The following OCA2 variants were observed in gnomAD, a reference collection of about 807,000 sequenced individuals.
OCA2 encodes the protein P protein.
Under a neutral mutation model 100.2 loss-of-function variants are expected in OCA2, and 77 were observed. The ratio of observed to expected loss-of-function variants is 0.77; its 90% CI spans 0.64 to 0.93. The LOEUF is 0.93. Among genes scored for constraint, OCA2 ranks in the 40% least tolerant of loss-of-function variants. The pLI, the probability that OCA2 is intolerant of heterozygous loss-of-function variation, is 0.00. For missense variants in OCA2, 1,062 were observed against 1,089.1 expected (o/e 0.98, Z 0.35); for synonymous variants, 432 against 439.2 (o/e 0.98, Z 0.21).
At chr15:28,001,870 G>C (rs1469681798) in intron 9 of OCA2, among the ~76,000 whole-genome samples, 2 of 152,234 alleles carry the variant, frequency 1.3e-5, no homozygotes, top group African/African-American at 2.4e-5. Context: ...GAGCCACAGA[G>C]GCACCTGGTT....
rs774722293 is a variant in OCA2, at chr15:27,989,611, A to G, written c.1172T>C (p.Leu391Pro). 1 of 1,614,112 alleles carries G rather than the reference A, an allele frequency of 6.2e-7. No individual in the cohort carries two copies. The highest frequency in any genetic ancestry group is 8.5e-7 in the Non-Finnish European group (1 of 1,179,980). ...EWIDFETLAL[L>P]FGMMILVAIF... is the part of the protein sequence containing the mutation. ...GAGAGCTGTAATTACCATGCCAAACAGCAGGGCCAGCGTCTCAAAATCAAT... is the reference window on the plus strand; with the variant it reads ...GAGAGCTGTAATTACCATGCCAAACGGCAGGGCCAGCGTCTCAAAATCAAT... Residue 391 changes from leucine (L) to proline (P), a missense_variant, in exon 11 of 24, where the codon CTG becomes CCG. Leu to Pro is a moderately conservative substitution (Grantham distance 98, BLOSUM62 -3). Transcript: ENST00000354638.
intron 19 of OCA2, among the ~76,000 whole-genome samples, chr15:27,883,607 T>C (rs2037110433): frequency 6.6e-6 from 1 of 152,020 alleles, no homozygotes; most frequent in Admixed American, 6.5e-5. Flanking sequence ...CACACAACTC[T>C]GGATAAGGAG....
At chr15:27,770,885 C>G (rs2031742217) in intron 23 of OCA2, among the ~76,000 whole-genome samples, 1 of 140,412 alleles carries the variant, frequency 7.1e-6, no homozygotes, top group African/African-American at 2.8e-5. Context: ...TTCCTTTGCT[C>G]CTTCCCATCT....
chr15:28,063,831 G>C (rs1461017318), intron 2 of OCA2, among the ~76,000 whole-genome samples: 1 of 152,142 alleles, frequency 6.6e-6, no homozygotes, highest in Non-Finnish European at 1.5e-5. Context: ...GAGTTGCATA[G>C]AAAAACATAC....
chr15:27,722,134 A>G, the OCA2 span, among the ~76,000 whole-genome samples: 1 of 152,236 alleles, frequency 6.6e-6, no homozygotes, highest in Non-Finnish European at 1.5e-5. Flanking sequence ...ACTGAAACTC[A>G]GTAGGGATGC....
At chr15:27,910,276 G>C (rs1360277775) in intron 19 of OCA2, among the ~76,000 whole-genome samples, 1 of 152,174 alleles carries the variant, frequency 6.6e-6, no homozygotes, top group Non-Finnish European at 1.5e-5. Context: ...CTCTTGCAGA[G>C]GGAAATCTGG....
chr15:27,926,195 C>T lies in OCA2; in HGVS notation c.2011G>A (p.Glu671Lys). ...LLILADIHDF[E>K]IILHRVEWAT... ...CATTCCACTCTGTGTAGAATTATCT[C>T]AAAATCATGAATATCAGCTAAAATT... Residue 671 changes from glutamate to lysine, a missense_variant, in exon 19 of 24, where the codon GAG (glutamate) becomes AAG (lysine). Coordinates refer to ENST00000354638, the MANE Select transcript of OCA2 (RefSeq NM_000275.3). 3 of 1,614,076 alleles carry T rather than the reference C, an allele frequency of 1.9e-6. No individual in the cohort carries two copies. The highest frequency in any genetic ancestry group is 2.5e-6 in the Non-Finnish European group (3 of 1,179,968).
intron 2 of OCA2, among the ~76,000 whole-genome samples, chr15:28,070,913 T>C (rs2044238812): frequency 6.9e-6 from 1 of 145,918 alleles, no homozygotes; most frequent in African/African-American, 2.6e-5. Context: ...CAGGGTTAAA[T>C]GGATTAAGGG....
intron 6 of OCA2, among the ~76,000 whole-genome samples, chr15:28,019,145 G>T (rs889954998): frequency 2.0e-5 from 3 of 152,068 alleles, no homozygotes; most frequent in Non-Finnish European, 4.4e-5. Context: ...CATGTCCTCT[G>T]AGAGCCCAGG....
At chr15:27,847,435 A>C (rs8037534) in intron 22 of OCA2, among the ~76,000 whole-genome samples, 75,482 of 151,900 alleles carry the variant, frequency 0.5, 19,990 homozygotes, top group African/African-American at 0.69. Flanking sequence ...TGACGAAGGC[A>C]AAGGCTATGG....
At chr15:27,912,341 G>T (rs544765062) in intron 19 of OCA2, among the ~76,000 whole-genome samples, 11 of 152,264 alleles carry the variant, frequency 7.2e-5, no homozygotes, top group African/African-American at 2.6e-4. Flanking sequence ...TCTTTTGAGA[G>T]GCAGTTGATT....
intron 2 of OCA2, among the ~76,000 whole-genome samples, chr15:28,048,354 T>A (rs2043404693): frequency 6.6e-6 from 1 of 152,146 alleles, no homozygotes; most frequent in East Asian, 1.9e-4. Context: ...CTTACTACAA[T>A]GGAATACAAA....
intron 1 of OCA2, among the ~76,000 whole-genome samples, chr15:28,092,643 A>G (rs765268875): frequency 1.6e-4 from 25 of 152,192 alleles, no homozygotes; most frequent in Non-Finnish European, 3.5e-4. Flanking sequence ...ATGAATTTGT[A>G]CACTTTAAAT....
chr15:27,961,951 G>GAAATA (rs1003017976), intron 15 of OCA2, among the ~76,000 whole-genome samples: 1 of 151,218 alleles, frequency 6.6e-6, no homozygotes, highest in African/African-American at 2.4e-5. Context: ...GTGTAATTGA[G>GAAATA]AAATAAAATA....
rs146833059 is a variant in OCA2, at chr15:27,974,892, C to T, written c.1504-8070G>A. Among the ~76,000 whole-genome samples, 3 of 152,358 alleles carry T rather than the reference C, an allele frequency of 2.0e-5. No homozygotes were observed. In the East Asian group the frequency reaches 5.8e-4, roughly 29 times the overall value. On this transcript the variant is annotated intron_variant, in intron 14 of 23. Coordinates refer to ENST00000354638, the MANE Select transcript of OCA2 (RefSeq NM_000275.3). ...GTCACTTTGGCAGAAAATTGTATGA[C>T]AAGCCTGGGCTGAGCCTCAGCAAGA...
intron 9 of OCA2, among the ~76,000 whole-genome samples, chr15:27,998,094 C>T (rs1380788668): frequency 6.8e-6 from 1 of 147,432 alleles, no homozygotes; most frequent in Non-Finnish European, 1.5e-5. Context: ...CCATAAAAAC[C>T]CTAGAAGAAA....
At chr15:27,775,063 C>CATGT (rs1355131448) in intron 23 of OCA2, among the ~76,000 whole-genome samples, 3 of 142,938 alleles carry the variant, frequency 2.1e-5, no homozygotes, top group Non-Finnish European at 4.6e-5. Flanking sequence ...TTTTAGAACT[C>CATGT]GTGTGTGTGT....
chr15:27,981,411 T>C (rs2041156987), intron 14 of OCA2, among the ~76,000 whole-genome samples: 1 of 152,248 alleles, frequency 6.6e-6, no homozygotes, highest in Non-Finnish European at 1.5e-5. Context: ...TTACCCTGTG[T>C]GTTGTTGAAT....
At chr15:27,912,412 G>T (rs999026337) in intron 19 of OCA2, among the ~76,000 whole-genome samples, 19 of 152,120 alleles carry the variant, frequency 1.2e-4, no homozygotes, top group Admixed American at 1.2e-3. Flanking sequence ...GTGAGAAAAT[G>T]AAAAACTGAT....
Sources: gnomAD v4.1 joint callset for allele counts (sites outside exome capture counted in the v4.1 genomes callset) on GRCh38, gnomAD v4.1.1 for gene constraint, MANE v1.5 for transcripts, NCBI Gene and HGNC (gene_info 2026-07-23, HGNC 2026-07-21) for gene names.